Variants in TTC27 observed in about 807,000 individuals in gnomAD.
TTC27 encodes the protein tetratricopeptide repeat domain 27.
TTC27 carries 79 observed loss-of-function variants against 115.9 expected under a neutral mutation model. That is an observed-to-expected ratio of 0.68 (90% confidence interval 0.57 to 0.82). The LOEUF (loss-of-function observed/expected upper bound fraction) is 0.82, where lower values mean the gene tolerates loss of function less well. Ranked by LOEUF, TTC27 falls within the 40% of genes least tolerant of loss-of-function variation. The probability of loss-of-function intolerance (pLI) is 0.00; values close to 1 mark genes in which losing one functional copy is unlikely to be tolerated. For synonymous variants in TTC27, 401 were observed against 356.0 expected (o/e 1.13, Z -1.42); for missense variants, 1,054 against 993.1 (o/e 1.06, Z -0.82).
At chr2:32,695,580 GT>G (rs1421997079) in intron 9 of TTC27, among the ~76,000 whole-genome samples, 6 of 151,954 alleles carry the variant, frequency 3.9e-5, no homozygotes, top group African/African-American at 1.5e-4. Flanking sequence ...GTAGCCATGC[GT>G]GGTGGTGCGT....
Position 32,758,221 on chromosome 2 carries a change from T to C in TTC27, c.1453-71T>C, listed in dbSNP as rs1023848267. 16 of 1,354,184 alleles carry C rather than the reference T, an allele frequency of 1.2e-5. 1 individual carries two copies. The Middle Eastern group carries it at 7.6e-4, about 64-fold the overall frequency. 83.9% of individuals were successfully genotyped at this position (1,354,184 alleles called of 1,614,324 possible). A position where few individuals can be genotyped will look rare whatever the true frequency, so the allele number is the denominator to read the frequency against. ...AATTTGGATTGTGTGAGATTAAAGA[T>C]GTATATGTGCTAAAAAAAAAAATAG... On this transcript the variant is annotated intron_variant, in intron 12 of 19. Coordinates refer to ENST00000317907, the MANE Select transcript of TTC27 (RefSeq NM_017735.5).
intron 10 of TTC27, among the ~76,000 whole-genome samples, chr2:32,724,158 T>C (rs1572550579): frequency 6.6e-6 from 1 of 151,866 alleles, no homozygotes. Flanking sequence ...TGGAGAAGTT[T>C]TGGGAGAAAA....
intron 12 of TTC27, among the ~76,000 whole-genome samples, chr2:32,737,695 A>G (rs1479169116): frequency 6.6e-6 from 1 of 152,160 alleles, no homozygotes; most frequent in Non-Finnish European, 1.5e-5. Flanking sequence ...CAGAATAAGA[A>G]CAAAGTTTTA....
At chr2:32,718,668 C>T (rs961135647) in intron 10 of TTC27, among the ~76,000 whole-genome samples, 1 of 152,040 alleles carries the variant, frequency 6.6e-6, no homozygotes, top group African/African-American at 2.4e-5. Context: ...AGCACAAGTC[C>T]CCTCTGTAGC....
chr2:32,764,614 G>A (rs1052610270), intron 13 of TTC27, among the ~76,000 whole-genome samples: 1 of 152,166 alleles, frequency 6.6e-6, no homozygotes, highest in African/African-American at 2.4e-5. Context: ...GAAGTTTGCT[G>A]CATAGATGGA....
intron 11 of TTC27, among the ~76,000 whole-genome samples, chr2:32,734,210 T>C (rs1271310008): frequency 6.6e-6 from 1 of 152,112 alleles, no homozygotes; most frequent in Non-Finnish European, 1.5e-5. Context: ...TTCTTTTTTT[T>C]TAAGGGATGA....
intron 12 of TTC27, among the ~76,000 whole-genome samples, chr2:32,753,895 G>A (rs957821938): frequency 2.4e-4 from 36 of 151,890 alleles, no homozygotes; most frequent in African/African-American, 8.2e-4. Context: ...CCAACATGGT[G>A]AAACTCCCTC....
intron 18 of TTC27, among the ~76,000 whole-genome samples, 163 bp downstream of exon 18, chr2:32,812,778 C>T (rs1462007834): frequency 6.6e-6 from 1 of 152,214 alleles, no homozygotes; most frequent in Non-Finnish European, 1.5e-5. Context: ...AGACCACCTA[C>T]TATGTAATAG....
At chr2:32,719,182 G>A (rs1389186170) in intron 10 of TTC27, among the ~76,000 whole-genome samples, 1 of 152,170 alleles carries the variant, frequency 6.6e-6, no homozygotes, top group Non-Finnish European at 1.5e-5. Flanking sequence ...ACCCTCACCA[G>A]AGTGACATCC....
intron 16 of TTC27, among the ~76,000 whole-genome samples, chr2:32,788,989 C>T (rs537270734): frequency 6.6e-6 from 1 of 152,268 alleles, no homozygotes; most frequent in South Asian, 2.1e-4. Flanking sequence ...CATGTATTAG[C>T]TCATTTAATT....
intron 16 of TTC27, among the ~76,000 whole-genome samples, chr2:32,792,259 CT>C (rs1259264703): frequency 6.6e-6 from 1 of 152,116 alleles, no homozygotes; most frequent in African/African-American, 2.4e-5. Context: ...CACTTGCTGG[CT>C]GTGCATTACC....
intron 9 of TTC27, among the ~76,000 whole-genome samples, chr2:32,691,683 T>C (rs1157625260): frequency 6.6e-6 from 1 of 152,128 alleles, no homozygotes; most frequent in African/African-American, 2.4e-5. Flanking sequence ...CTGAAGAGAA[T>C]TGATTCTTTA....
At position 32,633,886 on chromosome 2, in the gene TTC27, A is replaced by C. The variant is rs759133945; in HGVS notation, c.277A>C (p.Ile93Leu). 1 of 1,613,562 alleles carries C rather than the reference A, an allele frequency of 6.2e-7. No individual in the cohort carries two copies. The highest frequency in any genetic ancestry group is 8.5e-7 in the Non-Finnish European group (1 of 1,179,852). The change falls in exon 3 of 20, where the codon ATA (isoleucine) becomes CTA (leucine). Residue 93 changes from isoleucine (I) to leucine (L), a missense_variant. By Grantham distance (5) the Ile-to-Leu change is conservative. Coordinates refer to ENST00000317907, the MANE Select transcript of TTC27 (RefSeq NM_017735.5). ...CATTCTTATATGCAGACAACAGTTG[A>C]TATTTCTACTTGGTGTGAGCAGTTT... is the stretch of plus-strand genomic sequence containing the variant. ...DLDTTERQQL[I>L]FLLGVSSLQL...
intron 2 of TTC27, among the ~76,000 whole-genome samples, chr2:32,633,654 G>A (rs546632603): frequency 2.8e-4 from 42 of 152,088 alleles, no homozygotes; most frequent in African/African-American, 8.4e-4. Context: ...TCCTCCTACC[G>A]TGGCCTTCCA....
At chr2:32,747,317 C>A (rs922988877) in intron 12 of TTC27, among the ~76,000 whole-genome samples, 1 of 152,122 alleles carries the variant, frequency 6.6e-6, no homozygotes, top group African/African-American at 2.4e-5. Context: ...ACAAACCCAT[C>A]GTAAGTTGAA....
chr2:32,644,048 G>T (rs895945322), intron 4 of TTC27, among the ~76,000 whole-genome samples: 2 of 151,894 alleles, frequency 1.3e-5, no homozygotes, highest in Admixed American at 1.3e-4. Context: ...GGGTGTAATG[G>T]CGGGTGCCTG....
At chr2:32,801,358 G>T (rs1356866125) in intron 16 of TTC27, among the ~76,000 whole-genome samples, 1 of 152,164 alleles carries the variant, frequency 6.6e-6, no homozygotes, top group Non-Finnish European at 1.5e-5. Flanking sequence ...GAGTCTTTCT[G>T]CACCTTTTCC....
intron 14 of TTC27, 88 bp from the exon 15 acceptor site, chr2:32,782,538 G>T: frequency 8.8e-7 from 1 of 1,136,770 alleles, no homozygotes. Flanking sequence ...GCATATATTG[G>T]ACTAGGAGAG....
rs746111388 is a variant in TTC27, at chr2:32,811,104, G to C, written c.2079G>C (p.Lys693Asn). Residue 693 changes from lysine (K) to asparagine (N), a missense_variant, in exon 17 of 20, where the codon AAG becomes AAC. Coordinates refer to ENST00000317907, the MANE Select transcript of TTC27 (RefSeq NM_017735.5). The part of the protein sequence containing the change: ...SGDVATGLKG[K>N]LQELFGRVTS... ...ATGTTGCAACTGGCCTCAAAGGAAA[G>C]CTGCAGGAGTTATTTGGCAGAGTGA... 3 of 1,614,212 alleles carry C rather than the reference G, an allele frequency of 1.9e-6. No individual in the cohort carries two copies. The highest frequency in any genetic ancestry group is 2.5e-6 in the Non-Finnish European group (3 of 1,180,040).
Sources: gnomAD v4.1 joint callset for allele counts (sites outside exome capture counted in the v4.1 genomes callset) on GRCh38, gnomAD v4.1.1 for gene constraint, MANE v1.5 for transcripts, NCBI Gene and HGNC (gene_info 2026-07-23, HGNC 2026-07-21) for gene names.